Variants in BNC2 observed in about 807,000 individuals in gnomAD.
BNC2 encodes basonuclin zinc finger protein 2.
BNC2 carries 20 observed loss-of-function variants against 76.3 expected under a neutral mutation model. That is an observed-to-expected ratio of 0.26 (90% confidence interval 0.18 to 0.38). The LOEUF is 0.38. Ranked by LOEUF, BNC2 falls within the 10% of genes least tolerant of loss-of-function variation. The pLI is 1.00. For missense variants in BNC2, 1,382 were observed against 1,399.8 expected, an observed-to-expected ratio of 0.99 and a Z score of 0.20; for synonymous variants, 582 against 514.8, an observed-to-expected ratio of 1.13 and a Z score of -1.77.
chr9:16,531,298 G>A (rs1437128349), intron 5 of BNC2, among the ~76,000 whole-genome samples: 1 of 152,054 alleles, frequency 6.6e-6, no homozygotes, highest in Non-Finnish European at 1.5e-5. Flanking sequence ...TCCTCTGGGT[G>A]GCATTCCAAA....
chr9:16,726,559 T>TTA (rs1491375018), intron 3 of BNC2, among the ~76,000 whole-genome samples: 4 of 102,410 alleles, frequency 3.9e-5, no homozygotes, highest in Admixed American at 1.7e-4. Flanking sequence ...AAAAGCTTTT[T>TTA]AAAAAAAAAA....
At chr9:16,708,741 AG>A (rs2134689610) in intron 3 of BNC2, among the ~76,000 whole-genome samples, 1 of 152,046 alleles carries the variant, frequency 6.6e-6, no homozygotes, top group East Asian at 1.9e-4. Flanking sequence ...GAAAAAGAAA[AG>A]GAAGACCGAA....
chr9:16,666,182 T>A (rs78046342), intron 3 of BNC2, among the ~76,000 whole-genome samples: 2,673 of 151,426 alleles, frequency 0.018, 80 homozygotes, highest in African/African-American at 0.059. Flanking sequence ...ATAAAATACA[T>A]TTTTTTTTCT....
At chr9:16,585,811 T>C (rs1029818557) in intron 3 of BNC2, among the ~76,000 whole-genome samples, 1 of 152,130 alleles carries the variant, frequency 6.6e-6, no homozygotes, top group Non-Finnish European at 1.5e-5. Context: ...CTTTCATTCT[T>C]GTGAGCATGT....
intron 3 of BNC2, among the ~76,000 whole-genome samples, chr9:16,635,738 A>G (rs1821304052): frequency 1.3e-5 from 2 of 152,256 alleles, no homozygotes; most frequent in Non-Finnish European, 2.9e-5. Context: ...GATACGATCT[A>G]TAATAAACTC....
rs528310230 is a variant in BNC2 at position 16,421,712 on chromosome 9, G to T, written c.2640-2063C>A. On this transcript the variant is annotated intron_variant, in intron 6 of 6. Transcript: ENST00000380672. ...CTCCAAGTGCAGGTTGCTAAGCAAAGTGCAGGAAATGCCTACTGTGAGGTC... is the reference window on the plus strand; with the variant it reads ...CTCCAAGTGCAGGTTGCTAAGCAAATTGCAGGAAATGCCTACTGTGAGGTC... 2.0e-5 allele frequency among the ~76,000 whole-genome samples: 3 copies of T among 152,330 alleles called. No homozygotes were observed. The South Asian group carries it at 6.2e-4, about 32-fold the overall frequency.
intron 3 of BNC2, among the ~76,000 whole-genome samples, chr9:16,615,745 T>C (rs1432443071): frequency 6.6e-6 from 1 of 152,228 alleles, no homozygotes; most frequent in Non-Finnish European, 1.5e-5. Context: ...TTAATTTGTC[T>C]TTTGTTACAG....
intron 5 of BNC2, among the ~76,000 whole-genome samples, chr9:16,456,828 A>G (rs911186115): frequency 6.6e-6 from 1 of 152,180 alleles, no homozygotes; most frequent in African/African-American, 2.4e-5. Flanking sequence ...GAATATTGTA[A>G]AAAACATCAA....
chr9:16,637,779 C>A (rs569539227), intron 3 of BNC2, among the ~76,000 whole-genome samples: 2 of 151,722 alleles, frequency 1.3e-5, no homozygotes, highest in South Asian at 4.2e-4. Flanking sequence ...ACAAATGAAA[C>A]TAGATTAAAA....
chr9:16,552,499 G>T, intron 5 of BNC2, 31 bp downstream of exon 5: 1 of 1,599,516 alleles, frequency 6.3e-7, no homozygotes, highest in South Asian at 1.1e-5. Flanking sequence ...GTCGGCCCCG[G>T]ACACGGGCGG....
At chr9:16,831,869 C>A (rs1479699694) in intron 1 of BNC2, among the ~76,000 whole-genome samples, 1 of 152,160 alleles carries the variant, frequency 6.6e-6, no homozygotes, top group African/African-American at 2.4e-5. Flanking sequence ...CTCCACTGAG[C>A]AAATAATGGC....
At position 16,419,589 on chromosome 9, in the gene BNC2, G is replaced by A; in HGVS notation, c.2700C>T (p.Gly900=). The change falls in exon 7 of 7, where the codon GGC becomes GGT. Residue 900 remains glycine (G), a synonymous_variant. Coordinates refer to ENST00000380672, the MANE Select transcript of BNC2 (RefSeq NM_017637.6). ...TAAGGGAGGGCTGCGACGAGTCCAG[G>A]CCCATGTCATCGAGTTCTTTGGTCA... ...KLLTKELDDM[G]LDSSQPSLSK... 1.9e-6 allele frequency: 3 copies of A among 1,590,420 alleles called. No individual in the cohort carries two copies. The highest frequency in any genetic ancestry group is 1.7e-6 in the Non-Finnish European group (2 of 1,166,474).
chr9:16,736,540 A>G (rs1277560749), intron 2 of BNC2, among the ~76,000 whole-genome samples: 2 of 150,756 alleles, frequency 1.3e-5, no homozygotes, highest in Admixed American at 6.6e-5. Flanking sequence ...CAGTGGTGCA[A>G]TCTTGGCTCA....
chr9:16,621,758 G>A (rs976668970), intron 3 of BNC2, among the ~76,000 whole-genome samples: 4 of 152,148 alleles, frequency 2.6e-5, no homozygotes, highest in Admixed American at 6.5e-5. Flanking sequence ...TCCAAGTTGA[G>A]ATGTGCTGAA....
intron 5 of BNC2, among the ~76,000 whole-genome samples, chr9:16,485,501 C>A (rs1249610690): frequency 6.6e-6 from 1 of 152,170 alleles, no homozygotes. Flanking sequence ...AATAAGAGAC[C>A]CAACTTTGCA....
At chr9:16,516,111 T>C (rs1292257288) in intron 5 of BNC2, among the ~76,000 whole-genome samples, 1 of 152,202 alleles carries the variant, frequency 6.6e-6, no homozygotes. Flanking sequence ...AAGTGCCTTA[T>C]GCCCTCTTGC....
At chr9:16,448,558 A>G (rs557157702) in intron 5 of BNC2, among the ~76,000 whole-genome samples, 5 of 152,260 alleles carry the variant, frequency 3.3e-5, no homozygotes, top group Non-Finnish European at 7.4e-5. Context: ...AACAACCCCA[A>G]GGAACTTTAA....
chr9:16,699,988 G>A (rs1823459418), intron 3 of BNC2, among the ~76,000 whole-genome samples: 1 of 152,150 alleles, frequency 6.6e-6, no homozygotes, highest in Admixed American at 6.6e-5. Flanking sequence ...TAGTGATTTT[G>A]ACATTATTTT....
At chr9:16,752,389 T>C (rs1825244731) in intron 1 of BNC2, among the ~76,000 whole-genome samples, 1 of 149,606 alleles carries the variant, frequency 6.7e-6, no homozygotes, top group Admixed American at 6.8e-5. Flanking sequence ...AGACTGTATC[T>C]TCACAATATT....
Sources: allele counts gnomAD v4.1 joint callset (sites outside exome capture counted in the v4.1 genomes callset), GRCh38; gene constraint gnomAD v4.1.1; transcripts MANE v1.5; gene names NCBI Gene and HGNC (gene_info 2026-07-23, HGNC 2026-07-21).